Variants in CNTNAP3B observed in about 807,000 individuals in gnomAD.
CNTNAP3B encodes the protein contactin-associated protein-like 3B.
CNTNAP3B carries 25 observed loss-of-function variants against 108.9 expected under a neutral mutation model. The observed-to-expected ratio is 0.23, with a 90% confidence interval of 0.17 to 0.32. CNTNAP3B has a LOEUF of 0.32. Among genes scored for constraint, CNTNAP3B ranks in the 10% least tolerant of loss-of-function variants. The pLI is 1.00. For missense variants in CNTNAP3B, 252 were observed against 1,210.4 expected, an observed-to-expected ratio of 0.21 and a Z score of 11.75; for synonymous variants, 103 against 473.4, an observed-to-expected ratio of 0.22 and a Z score of 10.16.
At chr9:42,048,217 CCAAT>C (rs907734884) in intron 3 of CNTNAP3B, among the ~76,000 whole-genome samples, 1 of 45,700 alleles carries the variant, frequency 2.2e-5, no homozygotes, top group African/African-American at 1.0e-4. Context: ...CTCCAGAATT[CCAAT>C]CAGAGACCCG....
chr9:42,002,494 G>A (rs1209193502), intron 4 of CNTNAP3B, among the ~76,000 whole-genome samples: 1 of 105,588 alleles, frequency 9.5e-6, no homozygotes, highest in Non-Finnish European at 2.0e-5. Flanking sequence ...TCCCAAATAC[G>A]AATTCTTGCA....
chr9:42,093,121 C>T lies in CNTNAP3B; in HGVS notation c.196+11508G>A, dbSNP rs533057079. On this transcript the variant is annotated intron_variant, in intron 2 of 23. Transcript: ENST00000377561. ...CAGCACTTTGGGAGGCCAAGGTGGC[C>T]GAGGCGGATCACGAGGTCAGGAGTT... 1.3e-3 allele frequency among the ~76,000 whole-genome samples: 121 copies of T among 96,670 alleles called. 19 individuals are homozygous for T. The Middle Eastern group carries it at 0.021, about 17-fold the overall frequency. The allele number at this position is 96,670 out of a possible 152,430, so 63.4% of individuals were successfully genotyped here. A position where few individuals can be genotyped will look rare whatever the true frequency, so the allele number is the denominator to read the frequency against.
At chr9:41,987,435 TG>T in intron 8 of CNTNAP3B, among the ~76,000 whole-genome samples, 1 of 54,622 alleles carries the variant, frequency 1.8e-5, no homozygotes, top group East Asian at 6.9e-4. Flanking sequence ...TACTCCAGTC[TG>T]GGTGACAGAG....
intron 2 of CNTNAP3B, among the ~76,000 whole-genome samples, chr9:42,083,200 A>T: frequency 1.0e-5 from 1 of 99,262 alleles, no homozygotes; most frequent in South Asian, 3.7e-4. Flanking sequence ...AAATCTAGTA[A>T]AACTGAATGA....
intron 3 of CNTNAP3B, among the ~76,000 whole-genome samples, chr9:42,044,252 AG>A (rs1826821869): frequency 1.3e-5 from 2 of 150,888 alleles, no homozygotes; most frequent in Non-Finnish European, 2.9e-5. Flanking sequence ...CATTTATAAA[AG>A]CAACTTCATC....
At chr9:42,098,032 G>A (rs1256391231) in intron 2 of CNTNAP3B, among the ~76,000 whole-genome samples, 3 of 138,100 alleles carry the variant, frequency 2.2e-5, no homozygotes, top group Non-Finnish European at 3.1e-5. Flanking sequence ...TTGGAAAAAC[G>A]AGGGAGTGAT....
intron 13 of CNTNAP3B, among the ~76,000 whole-genome samples, chr9:41,941,052 C>A: frequency 6.7e-6 from 1 of 149,502 alleles, no homozygotes; most frequent in African/African-American, 2.5e-5. Flanking sequence ...ACTGTAATAC[C>A]ATATGATACT....
At chr9:42,070,593 G>A (rs1827352787) in intron 3 of CNTNAP3B, among the ~76,000 whole-genome samples, 1 of 150,088 alleles carries the variant, frequency 6.7e-6, no homozygotes, top group Non-Finnish European at 1.5e-5. Context: ...CTGTGTGTCT[G>A]GCATGTAACA....
intron 11 of CNTNAP3B, among the ~76,000 whole-genome samples, chr9:41,961,697 A>G (rs1825097429): frequency 6.6e-6 from 1 of 152,302 alleles, no homozygotes; most frequent in Non-Finnish European, 1.5e-5. Context: ...GCTGATTTAA[A>G]AAAGAAACGT....
rs1281870959 is a variant in CNTNAP3B, at chr9:42,096,918, A to G, written c.196+7711T>C. Among the ~76,000 whole-genome samples the G allele has an allele frequency of 1.6e-5, 2 of 127,058 alleles. 1 individual carries two copies. Among genetic ancestry groups the G allele is most frequent in the African/African-American group, 6.4e-5 (2 of 31,018 alleles). 83.4% of individuals were successfully genotyped at this position (127,058 alleles called of 152,430 possible). On this transcript the variant is annotated intron_variant, in intron 2 of 23. Coordinates refer to ENST00000377561, the MANE Select transcript of CNTNAP3B (RefSeq NM_001201380.3). Reference sequence around the variant, plus strand: ...TCCTAGTCCGTAACAGTGGCATGAAACTTTTTTTTTTTTTAATAGAGACAG... The same window carrying G: ...TCCTAGTCCGTAACAGTGGCATGAAGCTTTTTTTTTTTTTAATAGAGACAG...
intron 13 of CNTNAP3B, among the ~76,000 whole-genome samples, chr9:41,938,824 C>T (rs1461352916): frequency 6.6e-6 from 1 of 152,294 alleles, no homozygotes; most frequent in Non-Finnish European, 1.5e-5. Context: ...CATCTTTTTG[C>T]TAACTACCTG....
At chr9:42,076,295 A>G (rs1827487494) in intron 3 of CNTNAP3B, among the ~76,000 whole-genome samples, 1 of 127,004 alleles carries the variant, frequency 7.9e-6, no homozygotes, top group African/African-American at 3.3e-5. Context: ...GTGTGGTGGC[A>G]CATGCCTGTA....
chr9:42,115,949 C>T lies in CNTNAP3B; in HGVS notation c.86-11210G>A, dbSNP rs1564199266. 3.0e-5 allele frequency among the ~76,000 whole-genome samples: 4 copies of T among 133,328 alleles called. 1 individual carries two copies. The highest frequency in any genetic ancestry group is 2.5e-4 in the South Asian group (1 of 4,058). The allele number at this position is 133,328 out of a possible 152,430, so 87.5% of individuals were successfully genotyped here. On this transcript the variant is annotated intron_variant, in intron 1 of 23. Coordinates refer to ENST00000377561, the MANE Select transcript of CNTNAP3B (RefSeq NM_001201380.3). Reference sequence around the variant, plus strand: ...GCTAAAGGAGGATGTTCGAACCCGTCGCAAAGAAGCTAAAAACCTTGAAAA... The same window carrying T: ...GCTAAAGGAGGATGTTCGAACCCGTTGCAAAGAAGCTAAAAACCTTGAAAA...
intron 13 of CNTNAP3B, among the ~76,000 whole-genome samples, chr9:41,948,138 C>G (rs1424277536): frequency 6.7e-6 from 1 of 149,638 alleles, no homozygotes. Flanking sequence ...GTTGTCCAGG[C>G]TGGAGTGCAG....
intron 1 of CNTNAP3B, among the ~76,000 whole-genome samples, chr9:42,108,151 C>G (rs540450142): frequency 7.2e-6 from 1 of 137,940 alleles, no homozygotes; most frequent in African/African-American, 2.9e-5. Context: ...AGTGGGCACC[C>G]CACAAGTGTT....
intron 2 of CNTNAP3B, among the ~76,000 whole-genome samples, chr9:42,086,879 C>T (rs1827715517): frequency 1.0e-5 from 1 of 100,078 alleles, no homozygotes; most frequent in Admixed American, 1.0e-4. Flanking sequence ...ATTTACATTC[C>T]CACCAACAAA....
intron 3 of CNTNAP3B, among the ~76,000 whole-genome samples, chr9:42,063,885 C>A (rs28853310): frequency 8.0e-5 from 12 of 150,174 alleles, no homozygotes; most frequent in South Asian, 6.3e-4. Flanking sequence ...TGACACCCAG[C>A]CTATTGTTTC....
chr9:42,055,490 C>T (rs1397072105), intron 3 of CNTNAP3B, among the ~76,000 whole-genome samples: 2 of 143,880 alleles, frequency 1.4e-5, no homozygotes, highest in Non-Finnish European at 3.0e-5. Flanking sequence ...ACATATTTAC[C>T]ATTATATTCA....
chr9:42,030,748 T>TAGAGAGAGAGAGAGAGAGAGAG (rs1826500262), intron 3 of CNTNAP3B, among the ~76,000 whole-genome samples: 15 of 7,278 alleles, frequency 2.1e-3, no homozygotes, highest in Non-Finnish European at 3.8e-3. Flanking sequence ...GAGAAAGAGA[T>TAGAGAGAGAGAGAGAGAGAGAG]ACAGAGAGAG....
Sources: allele counts gnomAD v4.1 joint callset (sites outside exome capture counted in the v4.1 genomes callset), GRCh38; gene constraint gnomAD v4.1.1; transcripts MANE v1.5; gene names NCBI Gene and HGNC (gene_info 2026-07-23, HGNC 2026-07-21).